Variants in KLK4 observed in about 807,000 individuals in gnomAD.
KLK4 encodes the protein kallikrein related peptidase 4.
Under a neutral mutation model 24.3 loss-of-function variants are expected in KLK4, and 24 were observed. The observed-to-expected ratio is 0.99, with a 90% CI of 0.72 to 1.39. KLK4 has a LOEUF of 1.39. Among genes scored for constraint, KLK4 ranks in the 40% most tolerant of loss-of-function variants. KLK4 has a pLI of 0.00. For missense variants in KLK4, 344 were observed against 327.4 expected, an observed-to-expected ratio of 1.05 and a Z score of -0.39; for synonymous variants, 142 against 138.8, an observed-to-expected ratio of 1.02 and a Z score of -0.16.
chr19:50,906,408 C>G (rs1228108954), exon 6 of KLK4: 1 of 167,454 alleles, frequency 6.0e-6, no homozygotes, highest in East Asian at 1.7e-4. Flanking sequence ...AAATGAAAAA[C>G]CAACTGGTAA....
At position 50,910,111 on chromosome 19, in the gene KLK4, G is replaced by A. The variant is rs767510183; in HGVS notation, c.61+567C>T. ...CTTCGGGGTGAATTAAAGCTCAGGG[G>A]GTGGAGTTGTTGCTGGGAGCAAGGA... is the stretch of plus-strand genomic sequence containing the variant. On this transcript the variant is annotated intron_variant, in intron 2 of 5. Transcript: ENST00000324041. The surrounding 1 kb of genome is among the most constrained non-coding windows in gnomAD (Gnocchi z 4.4). 6.6e-6 allele frequency among the ~76,000 whole-genome samples: 1 copy of A among 151,928 alleles called. No homozygotes were observed. Among genetic ancestry groups the A allele is most frequent in the East Asian group, 1.9e-4 (1 of 5,178 alleles).
At chr19:50,906,879 T>C (rs1229856631) in exon 6 of KLK4, 16 of 1,607,698 alleles carry the variant, frequency 1.0e-5, no homozygotes, top group Admixed American at 1.7e-5. Context: ...TATTCCTGAA[T>C]TCCTTCCGCA....
At position 50,908,844 on chromosome 19, in the gene KLK4, G is replaced by A. The variant is rs570070682; in HGVS notation, c.225-15C>T. 108 of 1,609,640 alleles carry A rather than the reference G, an allele frequency of 6.7e-5. No individual in the cohort carries two copies. Among genetic ancestry groups the A allele is most frequent in the East Asian group, 6.5e-4 (29 of 44,842 alleles). ...TGGTGTAGGAGCTGTGGGCCACGGAGGGCAGGTCAGTTTTGTGGCAACTAC... is the reference window on the plus strand; with the variant it reads ...TGGTGTAGGAGCTGTGGGCCACGGAAGGCAGGTCAGTTTTGTGGCAACTAC... On this transcript the variant is annotated splice_polypyrimidine_tract_variant and intron_variant, in intron 3 of 5. Coordinates refer to ENST00000324041, the Ensembl canonical transcript of KLK4.
chr19:50,908,716 A>G (rs775968314), exon 4 of KLK4: 3 of 1,614,048 alleles, frequency 1.9e-6, no homozygotes, highest in Non-Finnish European at 2.5e-6. Flanking sequence ...GTCGTTAGCG[A>G]GCAAGGGTCT....
chr19:50,907,132 G>A (rs767227014), intron 5 of KLK4, 46 bp from the exon 6 acceptor site: 2 of 1,598,354 alleles, frequency 1.3e-6, no homozygotes, highest in East Asian at 2.2e-5. Context: ...ACAGAGAGGT[G>A]GAAATGGATG....
At chr19:50,908,233 C>G (rs1300971363) in intron 5 of KLK4, 126 bp downstream of exon 5, 9 of 1,109,550 alleles carry the variant, frequency 8.1e-6, no homozygotes, top group Non-Finnish European at 1.2e-5. Context: ...GTTTCTCTCT[C>G]TAGTTGTCAC....
chr19:50,908,829 G>C, exon 4 of KLK4: 1 of 1,612,014 alleles, frequency 6.2e-7, no homozygotes, highest in Non-Finnish European at 8.5e-7. Flanking sequence ...TGGTGTAGGA[G>C]CTGTGGGCCA....
rs2123509878 is a variant in KLK4, at chr19:50,907,104, A to G, written c.613-18T>C. 1 of 1,613,730 alleles carries G rather than the reference A, an allele frequency of 6.2e-7. No homozygotes were observed. Among genetic ancestry groups the G allele is most frequent in the Non-Finnish European group, 8.5e-7 (1 of 1,179,808 alleles). On this transcript the variant is annotated intron_variant, in intron 5 of 5. Coordinates refer to ENST00000324041, the Ensembl canonical transcript of KLK4. Reference sequence around the variant, plus strand: ...GAGTCACCCTGTTGTGAAGAGAGGGAGAGTCAGAATTCAAAACACAGAGAG... The same window carrying G: ...GAGTCACCCTGTTGTGAAGAGAGGGGGAGTCAGAATTCAAAACACAGAGAG...
chr19:50,910,810 C>T lies in KLK4; in HGVS notation c.-11-61G>A. 1 of 1,389,872 alleles carries T rather than the reference C, an allele frequency of 7.2e-7. No homozygotes were observed. Among genetic ancestry groups the T allele is most frequent in the African/African-American group, 1.4e-5 (1 of 69,918 alleles). The allele number at this position is 1,389,872 out of a possible 1,614,324, so 86.1% of individuals were successfully genotyped here. A position where few individuals can be genotyped will look rare whatever the true frequency, so the allele number is the denominator to read the frequency against. On this transcript the variant is annotated intron_variant, in intron 1 of 5. Transcript: ENST00000324041. The surrounding 1 kb of genome is among the most constrained non-coding windows in gnomAD (Gnocchi z 4.4). ...GATCTTCAGCCCAAGTCTCTCCATC[C>T]CTCTCTTTGTCCCTCCCTTTCTTCC...
intron 5 of KLK4, chr19:50,908,066 A>C: frequency 2.0e-6 from 1 of 490,758 alleles, no homozygotes; most frequent in Admixed American, 3.3e-5. Flanking sequence ...TTATAAGAGG[A>C]TTTTCTGTTG....
chr19:50,911,070 A>G (rs1393740113), intron 1 of KLK4, among the ~76,000 whole-genome samples: 1 of 152,210 alleles, frequency 6.6e-6, no homozygotes, highest in Non-Finnish European at 1.5e-5. Context: ...TGGAGGGAAG[A>G]CACACAGAGA....
intron 5 of KLK4, among the ~76,000 whole-genome samples, chr19:50,907,639 T>A (rs1159509378): frequency 6.6e-6 from 1 of 152,108 alleles, no homozygotes; most frequent in Non-Finnish European, 1.5e-5. Context: ...ACTCCTTACC[T>A]CAAGTGATCT....
exon 3 of KLK4, chr19:50,909,257 G>T (rs1280231894): frequency 6.2e-7 from 1 of 1,614,122 alleles, no homozygotes; most frequent in East Asian, 2.2e-5. Context: ...CTCACTTCTG[G>T]AAACAGTGTG....
exon 4 of KLK4, chr19:50,908,781 C>A: frequency 6.2e-7 from 1 of 1,613,626 alleles, no homozygotes; most frequent in South Asian, 1.1e-5. Flanking sequence ...GGCTCCCTGG[C>A]TCTTGGTCGG....
At chr19:50,909,113 GC>G in intron 3 of KLK4, 138 bp downstream of exon 3, 1 of 1,487,056 alleles carries the variant, frequency 6.7e-7, no homozygotes, top group Non-Finnish European at 8.9e-7. Flanking sequence ...TCCCTCTGGG[GC>G]TCCCCGGATC....
At chr19:50,907,574 C>A (rs893245151) in intron 5 of KLK4, among the ~76,000 whole-genome samples, 1 of 151,876 alleles carries the variant, frequency 6.6e-6, no homozygotes. Flanking sequence ...ATCCAGCTAA[C>A]TTTTGTATTT....
exon 5 of KLK4, chr19:50,908,405 C>G (rs1236879002): frequency 6.2e-7 from 1 of 1,613,990 alleles, no homozygotes; most frequent in African/African-American, 1.3e-5. Context: ...GCAGAACATG[C>G]TGGGGTGGTA....
intron 3 of KLK4, 194 bp from the exon 4 acceptor site, chr19:50,909,023 TAG>T (rs2090461825): frequency 6.7e-7 from 1 of 1,485,738 alleles, no homozygotes; most frequent in African/African-American, 1.4e-5. Context: ...CTTAGTTCAC[TAG>T]AGACTCAGCA....
Position 50,907,077 on chromosome 19 carries a change from CAG to C in KLK4, c.620_621del (p.Ser207TrpfsTer38), listed in dbSNP as rs768235705. 1.9e-6 allele frequency: 3 copies of C among 1,614,108 alleles called. No individual in the cohort carries two copies. The South Asian group carries it at 3.3e-5, about 18-fold the overall frequency. On this transcript the variant is annotated frameshift_variant, in exon 6 of 6. Transcript: ENST00000324041. LOFTEE classifies it low-confidence loss of function (END_TRUNC). ...TACCCGTTGCAGATCAGGGGCCCCC[CAG>C]AGTCACCCTGTTGTGAAGAGAGGGA...
Sources: gnomAD v4.1 joint callset for allele counts (sites outside exome capture counted in the v4.1 genomes callset) on GRCh38, gnomAD v4.1.1 for gene constraint, Gnocchi (gnomAD v3.1) non-coding constraint, MANE v1.5 for transcripts, NCBI Gene and HGNC (gene_info 2026-07-23, HGNC 2026-07-21) for gene names.